Variants in LRRC4C observed in about 807,000 individuals in gnomAD.
The protein encoded by LRRC4C is leucine-rich repeat-containing protein 4C.
A neutral mutation model predicts 33.6 loss-of-function variants in LRRC4C; 5 were observed. The observed-to-expected ratio is 0.15, with a 90% confidence interval of 0.08 to 0.31. LRRC4C has a LOEUF of 0.31. Ranked by LOEUF, LRRC4C falls within the 10% of genes least tolerant of loss-of-function variation. LRRC4C has a pLI of 1.00. For synonymous variants in LRRC4C, 329 were observed against 302.0 expected (o/e 1.09, Z -0.93); for missense variants, 560 against 796.7 (o/e 0.70, Z 3.58).
At position 40,673,319 on chromosome 11, in the gene LRRC4C, C is replaced by G. The variant is rs890711111; in HGVS notation, c.-406-25041G>C. Among the ~76,000 whole-genome samples the G allele has an allele frequency of 1.8e-4, 28 of 152,090 alleles. 1 individual carries two copies. Among genetic ancestry groups the G allele is most frequent in the African/African-American group, 6.8e-4 (28 of 41,438 alleles). ...TTTCTTTTCCAAGAATATTTATCCTCTGATTAAGTCAGGTACAATGTATGG... is the reference window on the plus strand; with the variant it reads ...TTTCTTTTCCAAGAATATTTATCCTGTGATTAAGTCAGGTACAATGTATGG... On this transcript the variant is annotated intron_variant, in intron 2 of 6. Coordinates refer to ENST00000528697, the MANE Select transcript of LRRC4C (RefSeq NM_001258419.2).
At chr11:40,138,893 A>T (rs2134939502) in intron 6 of LRRC4C, among the ~76,000 whole-genome samples, 1 of 152,346 alleles carries the variant, frequency 6.6e-6, no homozygotes, top group Non-Finnish European at 1.5e-5. Context: ...ATTATGATAC[A>T]CAGAATACAA....
intron 1 of LRRC4C, among the ~76,000 whole-genome samples, chr11:41,136,685 C>A (rs1303056093): frequency 5.9e-5 from 9 of 152,148 alleles, no homozygotes; most frequent in Admixed American, 5.9e-4. Flanking sequence ...CTTTCCACGT[C>A]TATGCACATC....
At chr11:40,775,342 G>A (rs960116606) in intron 2 of LRRC4C, among the ~76,000 whole-genome samples, 21 of 151,902 alleles carry the variant, frequency 1.4e-4, no homozygotes, top group Admixed American at 7.9e-4. Flanking sequence ...CCCGGGAGGC[G>A]GAGCTTGCAG....
At chr11:40,561,408 C>CTTTTTT (rs549919738) in intron 3 of LRRC4C, among the ~76,000 whole-genome samples, 6 of 100,934 alleles carry the variant, frequency 5.9e-5, no homozygotes, top group East Asian at 2.8e-4. Context: ...CTGAGGATTC[C>CTTTTTT]TTTTTTTTTT....
At chr11:41,374,600 T>C (rs1291159705) in intron 1 of LRRC4C, among the ~76,000 whole-genome samples, 1 of 152,114 alleles carries the variant, frequency 6.6e-6, no homozygotes, top group Non-Finnish European at 1.5e-5. Context: ...AATCAGGACA[T>C]AACTAACAGC....
At chr11:41,301,397 T>TG (rs1293583946) in intron 1 of LRRC4C, among the ~76,000 whole-genome samples, 1 of 152,138 alleles carries the variant, frequency 6.6e-6, no homozygotes, top group Non-Finnish European at 1.5e-5. Flanking sequence ...GTCAAATTGA[T>TG]GGGGGTGGGA....
At chr11:40,720,718 G>T (rs1443616265) in intron 2 of LRRC4C, among the ~76,000 whole-genome samples, 2 of 152,138 alleles carry the variant, frequency 1.3e-5, no homozygotes, top group African/African-American at 4.8e-5. Flanking sequence ...TATACGATTA[G>T]ACTCTTTCTA....
At chr11:40,983,917 A>G (rs355214) in intron 1 of LRRC4C, among the ~76,000 whole-genome samples, 62,461 of 151,920 alleles carry the variant, frequency 0.41, 13,750 homozygotes, top group African/African-American at 0.57. Flanking sequence ...TGACTATGGA[A>G]CATGTGAATG....
At chr11:40,176,605 A>G (rs909765809) in intron 5 of LRRC4C, among the ~76,000 whole-genome samples, 120 of 151,912 alleles carry the variant, frequency 7.9e-4, no homozygotes, top group African/African-American at 2.6e-3. Flanking sequence ...AGTTGGTACA[A>G]ACATAGCTCG....
Position 41,182,976 on chromosome 11 carries a change from T to C in LRRC4C, c.-495-249253A>G, listed in dbSNP as rs11822537. On this transcript the variant is annotated intron_variant, in intron 1 of 6. Transcript: ENST00000528697. ...ATGGTGACAGGAAGAGAGAGAGAGA[T>C]TGTGCAGGGAAACTCCCATTTTTTA... is the stretch of plus-strand genomic sequence containing the variant. 5.4e-3 allele frequency among the ~76,000 whole-genome samples: 824 copies of C among 151,762 alleles called. 5 individuals carry two copies. Among genetic ancestry groups the C allele is most frequent in the African/African-American group, 0.018 (749 of 41,350 alleles).
At chr11:41,180,028 G>C (rs1945378855) in intron 1 of LRRC4C, among the ~76,000 whole-genome samples, 1 of 152,166 alleles carries the variant, frequency 6.6e-6, no homozygotes. Flanking sequence ...GCAGGACCTA[G>C]TAGAAGTTTC....
At chr11:40,523,240 G>A (rs1955894413) in intron 3 of LRRC4C, among the ~76,000 whole-genome samples, 1 of 152,076 alleles carries the variant, frequency 6.6e-6, no homozygotes, top group Admixed American at 6.6e-5. Context: ...ATGTGAAGTA[G>A]TATCTCATTG....
chr11:40,763,745 T>C (rs1361567881), intron 2 of LRRC4C, among the ~76,000 whole-genome samples: 1 of 152,114 alleles, frequency 6.6e-6, no homozygotes, highest in East Asian at 1.9e-4. Context: ...GAGCCAGAGC[T>C]CAAGGGGGGA....
At chr11:40,859,861 G>A (rs1953989361) in intron 2 of LRRC4C, among the ~76,000 whole-genome samples, 1 of 152,070 alleles carries the variant, frequency 6.6e-6, no homozygotes, top group Non-Finnish European at 1.5e-5. Flanking sequence ...CGGATCGCGA[G>A]GTCAGGAGAT....
At chr11:40,137,118 A>G (rs963293301) in intron 6 of LRRC4C, among the ~76,000 whole-genome samples, 2 of 152,060 alleles carry the variant, frequency 1.3e-5, no homozygotes, top group African/African-American at 2.4e-5. Flanking sequence ...CACTTAAAGA[A>G]GTTTATTTTG....
chr11:41,038,868 G>A (rs1857251915), intron 1 of LRRC4C, among the ~76,000 whole-genome samples: 1 of 152,030 alleles, frequency 6.6e-6, no homozygotes, highest in African/African-American at 2.4e-5. Context: ...GAAAGAGAAG[G>A]TCACTCTCAA....
intron 3 of LRRC4C, among the ~76,000 whole-genome samples, chr11:40,365,663 T>C (rs1221728869): frequency 6.6e-6 from 1 of 152,102 alleles, no homozygotes; most frequent in East Asian, 1.9e-4. Flanking sequence ...AAGAAGTAAA[T>C]GTCATGAGTG....
intron 3 of LRRC4C, among the ~76,000 whole-genome samples, chr11:40,473,135 G>A (rs1953026568): frequency 6.6e-6 from 1 of 152,096 alleles, no homozygotes; most frequent in Non-Finnish European, 1.5e-5. Context: ...ACAAAACTTG[G>A]CAGAGATGCA....
At chr11:40,500,101 T>C (rs1034734285) in intron 3 of LRRC4C, among the ~76,000 whole-genome samples, 6 of 152,030 alleles carry the variant, frequency 3.9e-5, no homozygotes, top group African/African-American at 1.2e-4. Context: ...CATACAGTTA[T>C]GGATTCTGGA....
Sources: allele counts gnomAD v4.1 joint callset (sites outside exome capture counted in the v4.1 genomes callset), GRCh38; gene constraint gnomAD v4.1.1; transcripts MANE v1.5; gene names NCBI Gene and HGNC (gene_info 2026-07-23, HGNC 2026-07-21).